SMARCAL1: variants seen among roughly 807,000 people sequenced by gnomAD.
SMARCAL1 encodes ATP-driven annealing helicase.
A neutral mutation model predicts 94.5 loss-of-function variants in SMARCAL1; 58 were observed. The observed-to-expected ratio is 0.61, with a 90% CI of 0.50 to 0.76. The LOEUF is 0.76. Ranked by LOEUF, SMARCAL1 falls within the 30% of genes least tolerant of loss-of-function variation. The probability of loss-of-function intolerance (pLI) is 0.00; values close to 1 mark genes in which losing one functional copy is unlikely to be tolerated. For missense variants in SMARCAL1, 1,051 were observed against 1,177.9 expected (o/e 0.89, Z 1.58); for synonymous variants, 422 against 455.1 (o/e 0.93, Z 0.93).
chr2:216,454,529 C>A (rs1030683638), intron 12 of SMARCAL1, among the ~76,000 whole-genome samples: 3 of 152,138 alleles, frequency 2.0e-5, no homozygotes, highest in African/African-American at 7.2e-5. Flanking sequence ...CAAGTATACT[C>A]ATTTGACTTT....
Position 216,420,415 on chromosome 2 carries a change from T to C in SMARCAL1, c.979T>C (p.Ser327Pro), listed in dbSNP as rs1229758296. ...EGQAGLPSAP[S>P]LSFVKGRCML... Reference sequence around the variant, plus strand: ...ACAGGCCGGCCTTCCATCAGCTCCATCCCTTTCATTTGTCAAAGGGCGATG... The same window carrying C: ...ACAGGCCGGCCTTCCATCAGCTCCACCCCTTTCATTTGTCAAAGGGCGATG... The change falls in exon 5 of 18, where the codon TCC becomes CCC. Residue 327 changes from serine to proline, a missense_variant. Ser to Pro is a moderately conservative substitution (Grantham distance 74). This residue lies in a region of SMARCAL1 where 398 missense variants were observed against 395.2 expected (regional missense o/e 1.01). Coordinates refer to ENST00000357276, the MANE Select transcript of SMARCAL1 (RefSeq NM_014140.4). 3.7e-6 allele frequency: 6 copies of C among 1,614,092 alleles called. No homozygotes were observed. The highest frequency in any genetic ancestry group is 5.1e-6 in the Non-Finnish European group (6 of 1,179,974).
At chr2:216,451,228 C>G in intron 12 of SMARCAL1, 164 bp downstream of exon 12, 1 of 681,554 alleles carries the variant, frequency 1.5e-6, no homozygotes, top group South Asian at 1.7e-5. Context: ...CTCAGCCTAC[C>G]TAGTCAGTTT....
At chr2:216,451,179 C>G in intron 12 of SMARCAL1, 115 bp downstream of exon 12, 2 of 861,444 alleles carry the variant, frequency 2.3e-6, no homozygotes, top group Non-Finnish European at 3.9e-6. Context: ...GTAACCTTTT[C>G]CCTCTTCCCT....
At chr2:216,453,212 A>G (rs1694487323) in intron 12 of SMARCAL1, among the ~76,000 whole-genome samples, 1 of 152,218 alleles carries the variant, frequency 6.6e-6, no homozygotes, top group Admixed American at 6.5e-5. Flanking sequence ...TTCTCAGTCC[A>G]GCACCTGAGA....
In SMARCAL1 at chr2:216,415,389, T is replaced by G; in HGVS notation, c.685T>G (p.Ser229Ala). The G allele has an allele frequency of 6.2e-7, 1 of 1,614,206 alleles. No homozygotes were observed. The highest frequency in any genetic ancestry group is 8.5e-7 in the Non-Finnish European group (1 of 1,180,026). The change falls in exon 3 of 18, where the codon TCA (serine) becomes GCA (alanine). Residue 229 changes from serine (S) to alanine (A), a missense_variant. Physicochemically the swap from Ser to Ala is moderately conservative, Grantham distance 99. Around this residue, in one of 3 missense-constraint regions of SMARCAL1, gnomAD observed 398 missense variants for 395.2 expected, o/e 1.01. Coordinates refer to ENST00000357276, the MANE Select transcript of SMARCAL1 (RefSeq NM_014140.4). ...AAGACTCCAGCAGAAGTCAGGGTCC[T>G]CAGTCCAAAAAGGAGTGAACTCTCA... ...EGRLQQKSGS[S>A]VQKGVNSQKG...
At chr2:216,433,427 C>T (rs940590944) in intron 8 of SMARCAL1, among the ~76,000 whole-genome samples, 1 of 152,062 alleles carries the variant, frequency 6.6e-6, no homozygotes, top group African/African-American at 2.4e-5. Context: ...TTCCTCAATC[C>T]CATGACAGTC....
chr2:216,414,808 G>A lies in SMARCAL1; in HGVS notation c.104G>A (p.Arg35Lys). The A allele has an allele frequency of 1.2e-6, 2 of 1,614,202 alleles. No homozygotes were observed. Among genetic ancestry groups the A allele is most frequent in the Non-Finnish European group, 1.7e-6 (2 of 1,180,040 alleles). The change falls in exon 3 of 18, where the codon AGG (arginine) becomes AAG (lysine). Residue 35 changes from arginine (R) to lysine (K), a missense_variant. Coordinates refer to ENST00000357276, the MANE Select transcript of SMARCAL1 (RefSeq NM_014140.4). ...AAGTTATTGGCAGAACAGCATCAGA[G>A]GACTAGCTCGGGCACCTCCATTGCT... is the stretch of plus-strand genomic sequence containing the variant. ...AEKLLAEQHQ[R>K]TSSGTSIAGN...
At chr2:216,468,405 C>T (rs749350864) in intron 14 of SMARCAL1, among the ~76,000 whole-genome samples, 49 of 152,276 alleles carry the variant, frequency 3.2e-4, no homozygotes, top group Non-Finnish European at 6.5e-4. Flanking sequence ...TCCTCTTTTC[C>T]TTCCTTTCAT....
intron 12 of SMARCAL1, among the ~76,000 whole-genome samples, chr2:216,458,653 C>T (rs1694626962): frequency 6.6e-6 from 1 of 152,196 alleles, no homozygotes; most frequent in African/African-American, 2.4e-5. Context: ...TAAAAACTCT[C>T]AATAAATTAG....
intron 12 of SMARCAL1, among the ~76,000 whole-genome samples, chr2:216,453,715 C>A (rs1203421028): frequency 6.6e-6 from 1 of 152,188 alleles, no homozygotes; most frequent in Non-Finnish European, 1.5e-5. Context: ...TCTCCACTGC[C>A]ACCAGTTTTT....
intron 12 of SMARCAL1, among the ~76,000 whole-genome samples, chr2:216,457,301 A>G (rs1371803047): frequency 6.6e-6 from 1 of 152,212 alleles, no homozygotes. Flanking sequence ...GTTAACAAGG[A>G]TATCCTGGAA....
At chr2:216,439,800 G>A (rs1275689429) in intron 10 of SMARCAL1, among the ~76,000 whole-genome samples, 1 of 152,130 alleles carries the variant, frequency 6.6e-6, no homozygotes. Flanking sequence ...GGTGGCTCAC[G>A]CCTGTAATCC....
intron 5 of SMARCAL1, among the ~76,000 whole-genome samples, chr2:216,420,751 A>G (rs949518773): frequency 1.3e-5 from 2 of 152,218 alleles, no homozygotes; most frequent in Non-Finnish European, 2.9e-5. Flanking sequence ...AGAAGACCTC[A>G]TAATATCCCC....
chr2:216,422,611 T>G (rs960071734), intron 5 of SMARCAL1, among the ~76,000 whole-genome samples: 18 of 152,250 alleles, frequency 1.2e-4, no homozygotes, highest in Non-Finnish European at 2.2e-4. Flanking sequence ...CTTCTAGTTC[T>G]GCATTTACGA....
intron 12 of SMARCAL1, 87 bp downstream of exon 12, chr2:216,451,151 C>A: frequency 9.3e-7 from 1 of 1,069,846 alleles, no homozygotes; most frequent in Non-Finnish European, 1.4e-6. Flanking sequence ...ACCTGGCATT[C>A]TCTCAGCTTT....
chr2:216,463,448 C>G (rs971583294), intron 12 of SMARCAL1, among the ~76,000 whole-genome samples: 1 of 152,172 alleles, frequency 6.6e-6, no homozygotes, highest in Non-Finnish European at 1.5e-5. Context: ...TCCTTATGAT[C>G]TAAGCATCTC....
chr2:216,420,680 G>A (rs1467058355), intron 5 of SMARCAL1, 148 bp downstream of exon 5: 3 of 731,546 alleles, frequency 4.1e-6, no homozygotes, highest in Non-Finnish European at 4.8e-6. Flanking sequence ...AAGATGACAC[G>A]TTAATTGTTC....
At chr2:216,430,798 C>CGTTGCTTA (rs1374944185) in intron 7 of SMARCAL1, among the ~76,000 whole-genome samples, 1 of 152,216 alleles carries the variant, frequency 6.6e-6, no homozygotes, top group Non-Finnish European at 1.5e-5. Context: ...CCATGGATTC[C>CGTTGCTTA]GTTGCTTAGG....
At chr2:216,430,949 G>C (rs1693948373) in intron 7 of SMARCAL1, among the ~76,000 whole-genome samples, 1 of 152,270 alleles carries the variant, frequency 6.6e-6, no homozygotes, top group African/African-American at 2.4e-5. Context: ...ATAGAGGTGG[G>C]TGTACAGGGA....
Sources: gnomAD v4.1 joint callset for allele counts (sites outside exome capture counted in the v4.1 genomes callset) on GRCh38, gnomAD v4.1.1 for gene constraint, gnomAD v4.1.1 regional missense constraint, MANE v1.5 for transcripts, NCBI Gene and HGNC (gene_info 2026-07-23, HGNC 2026-07-21) for gene names.